Variants in DIAPH2 observed in about 807,000 individuals in gnomAD.
The protein encoded by DIAPH2 is protein diaphanous homolog 2.
In DIAPH2, 35 loss-of-function variants were observed where a neutral mutation model predicts 92.7. The observed-to-expected ratio is 0.38, with a 90% CI of 0.29 to 0.50. The LOEUF is 0.50. Ranked by LOEUF, DIAPH2 falls within the 20% of genes least tolerant of loss-of-function variation. The pLI, the probability that DIAPH2 is intolerant of heterozygous loss-of-function variation, is 0.94. For missense variants in DIAPH2, 701 were observed against 819.5 expected (o/e 0.86, Z 1.77); for synonymous variants, 301 against 280.4 (o/e 1.07, Z -0.73).
chrX:96,822,103 T>A (rs1042040308), intron 4 of DIAPH2, among the ~76,000 whole-genome samples: 1 of 110,951 alleles, frequency 9.0e-6, no homozygotes, highest in South Asian at 3.8e-4. Flanking sequence ...GTTTCTGCAC[T>A]ATTTTTTCTT....
intron 4 of DIAPH2, among the ~76,000 whole-genome samples, chrX:96,796,736 T>G (rs1304639053): frequency 1.8e-5 from 2 of 112,053 alleles, no homozygotes; most frequent in Non-Finnish European, 3.8e-5. Flanking sequence ...CCCCCATCTT[T>G]TTTATTCTTC....
At chrX:97,182,198 T>C (rs1034076638) in intron 22 of DIAPH2, among the ~76,000 whole-genome samples, 8 of 110,739 alleles carry the variant, frequency 7.2e-5, no homozygotes, top group African/African-American at 2.6e-4. Flanking sequence ...GAGGTTGGAA[T>C]TCTAGGTAGA....
intron 17 of DIAPH2, among the ~76,000 whole-genome samples, chrX:97,047,396 G>T (rs2147891251): frequency 9.2e-6 from 1 of 108,767 alleles, no homozygotes; most frequent in Non-Finnish European, 1.9e-5. Flanking sequence ...TGATTATAAT[G>T]AATTTTTGAA....
At chrX:97,505,893 T>C (rs1194885925) in intron 26 of DIAPH2, among the ~76,000 whole-genome samples, 2 of 110,974 alleles carry the variant, frequency 1.8e-5, no homozygotes, top group African/African-American at 6.5e-5. Context: ...AAGAGGATTG[T>C]TGGGTTGATG....
chrX:96,765,931 G>A (rs981966741), intron 4 of DIAPH2, among the ~76,000 whole-genome samples: 1 of 110,974 alleles, frequency 9.0e-6, no homozygotes, highest in Admixed American at 9.7e-5. Context: ...TAGTGTGTCC[G>A]CCAAGCTCCT....
intron 24 of DIAPH2, among the ~76,000 whole-genome samples, chrX:97,374,018 A>T (rs754784847): frequency 9.1e-6 from 1 of 110,406 alleles, no homozygotes; most frequent in South Asian, 4.0e-4. Flanking sequence ...AGGTAACAGG[A>T]GGTCAGATCA....
chrX:97,162,781 A>T (rs923965041), intron 22 of DIAPH2, among the ~76,000 whole-genome samples: 2 of 111,506 alleles, frequency 1.8e-5, no homozygotes, highest in African/African-American at 3.3e-5. Flanking sequence ...TCCCAAAGTG[A>T]TGGTATTACA....
intron 4 of DIAPH2, among the ~76,000 whole-genome samples, chrX:96,839,479 ATTAC>A (rs2064921534): frequency 9.0e-6 from 1 of 111,588 alleles, no homozygotes; most frequent in South Asian, 3.7e-4. Flanking sequence ...CGATGGCTTA[ATTAC>A]TTGTTAGAAA....
At chrX:96,746,532 CT>C (rs200924520) in intron 3 of DIAPH2, among the ~76,000 whole-genome samples, 3 of 108,563 alleles carry the variant, frequency 2.8e-5, no homozygotes, top group Non-Finnish European at 5.7e-5. Flanking sequence ...TTATTGGTAA[CT>C]TTTTTTTTCT....
At chrX:96,746,747 A>G (rs1385221262) in intron 3 of DIAPH2, among the ~76,000 whole-genome samples, 1 of 109,556 alleles carries the variant, frequency 9.1e-6, no homozygotes, top group Non-Finnish European at 1.9e-5. Context: ...GGGTCTTGCT[A>G]TTTTGCCCAG....
intron 22 of DIAPH2, among the ~76,000 whole-genome samples, chrX:97,229,090 G>A (rs1017128672): frequency 1.8e-5 from 2 of 111,576 alleles, no homozygotes; most frequent in South Asian, 3.8e-4. Context: ...TCACCATGGC[G>A]ATTGTGACTA....
chrX:96,778,728 T>G (rs929552643), intron 4 of DIAPH2, among the ~76,000 whole-genome samples: 9 of 111,962 alleles, frequency 8.0e-5, no homozygotes, highest in African/African-American at 2.9e-4. Flanking sequence ...AAAAAAAATT[T>G]CATTTCATTA....
intron 17 of DIAPH2, among the ~76,000 whole-genome samples, chrX:97,058,321 C>T (rs1192794704): frequency 9.0e-6 from 1 of 111,340 alleles, no homozygotes; most frequent in African/African-American, 3.3e-5. Flanking sequence ...AGTTATCTTT[C>T]CTACTAAACT....
intron 9 of DIAPH2, among the ~76,000 whole-genome samples, chrX:96,929,459 T>G (rs1267430777): frequency 1.8e-5 from 2 of 111,251 alleles, no homozygotes; most frequent in Non-Finnish European, 3.8e-5. Flanking sequence ...ACAACCTTAA[T>G]CAGCCCTTTT....
In DIAPH2 at chrX:97,136,765, T is replaced by G. The variant is rs755633225; in HGVS notation, c.2590-4900T>G. Among the ~76,000 whole-genome samples, 175 of 111,062 alleles carry G rather than the reference T, an allele frequency of 1.6e-3. 2 individuals are homozygous for G. Among genetic ancestry groups the G allele is most frequent in the Non-Finnish European group, 1.9e-3 (100 of 52,916 alleles). On this transcript the variant is annotated intron_variant, in intron 21 of 26. Transcript: ENST00000324765. ...TCTTTTAATCATCGGGACTTAAAGC[T>G]TTTGGAGTCTTTGATTTTTCCCTTT...
intron 17 of DIAPH2, among the ~76,000 whole-genome samples, chrX:97,068,320 A>G (rs755697078): frequency 8.9e-6 from 1 of 111,816 alleles, no homozygotes; most frequent in Non-Finnish European, 1.9e-5. Context: ...CAGAGCAGAT[A>G]TGTAATAAAA....
At chrX:97,433,574 G>T (rs1345598310) in intron 26 of DIAPH2, among the ~76,000 whole-genome samples, 1 of 111,136 alleles carries the variant, frequency 9.0e-6, no homozygotes, top group Non-Finnish European at 1.9e-5. Context: ...TAGTCGAAAT[G>T]TACACAGGTG....
chrX:97,259,125 G>T, intron 23 of DIAPH2, among the ~76,000 whole-genome samples: 1 of 109,224 alleles, frequency 9.2e-6, no homozygotes, highest in East Asian at 3.0e-4. Context: ...ATGGTGGCAC[G>T]TGCCACCATG....
intron 21 of DIAPH2, among the ~76,000 whole-genome samples, chrX:97,121,936 C>G (rs1196122928): frequency 9.0e-6 from 1 of 111,465 alleles, no homozygotes; most frequent in Non-Finnish European, 1.9e-5. Flanking sequence ...ATTATTGACC[C>G]CATTTTGCAA....
Sources: gnomAD v4.1 joint callset for allele counts (sites outside exome capture counted in the v4.1 genomes callset) on GRCh38, gnomAD v4.1.1 for gene constraint, MANE v1.5 for transcripts, NCBI Gene and HGNC (gene_info 2026-07-23, HGNC 2026-07-21) for gene names.